SGCZ: variants seen among roughly 807,000 people sequenced by gnomAD.
SGCZ encodes the protein zeta-sarcoglycan.
Under a neutral mutation model 41.3 loss-of-function variants are expected in SGCZ, and 40 were observed. The ratio of observed to expected loss-of-function variants is 0.97; its 90% confidence interval spans 0.75 to 1.26. The LOEUF is 1.26. Ranked by LOEUF, SGCZ falls within the 50% of genes most tolerant of loss-of-function variation. The pLI is 0.00. For synonymous variants in SGCZ, 206 were observed against 137.5 expected, an observed-to-expected ratio of 1.50 and a Z score of -3.49; for missense variants, 552 against 369.8, an observed-to-expected ratio of 1.49 and a Z score of -4.04.
intron 1 of SGCZ, among the ~76,000 whole-genome samples, chr8:15,095,686 A>G (rs567861784): frequency 4.5e-4 from 69 of 152,314 alleles, no homozygotes; most frequent in Non-Finnish European, 8.1e-4. Context: ...AAGCCCATTG[A>G]CCTTTACCCC....
rs1458922410 is a variant in SGCZ, at chr8:14,088,190, G to A, written c.*2253C>T. Reference sequence around the variant, plus strand: ...TAGAACTTGAAATTAGAACATGTTGGAACAGAAAGGAACCCCAAGAGACTA... The same window carrying A: ...TAGAACTTGAAATTAGAACATGTTGAAACAGAAAGGAACCCCAAGAGACTA... On this transcript the variant is annotated 3_prime_UTR_variant, in exon 8 of 8. Transcript: ENST00000382080. 1.3e-5 allele frequency among the ~76,000 whole-genome samples: 2 copies of A among 151,506 alleles called. No individual in the cohort carries two copies. The highest frequency in any genetic ancestry group is 1.3e-4 in the Admixed American group (2 of 15,162).
chr8:14,742,524 T>C (rs546897057), intron 1 of SGCZ, among the ~76,000 whole-genome samples: 1 of 152,166 alleles, frequency 6.6e-6, no homozygotes, highest in East Asian at 1.9e-4. Context: ...CTTTACAATA[T>C]AGGAAATTCA....
At chr8:14,130,492 A>G (rs1250043962) in intron 5 of SGCZ, among the ~76,000 whole-genome samples, 1 of 152,206 alleles carries the variant, frequency 6.6e-6, no homozygotes, top group Non-Finnish European at 1.5e-5. Flanking sequence ...CACACAAAAA[A>G]ATGAATAAAA....
intron 2 of SGCZ, among the ~76,000 whole-genome samples, chr8:14,536,032 G>T (rs1374638567): frequency 1.3e-5 from 2 of 151,680 alleles, no homozygotes; most frequent in Non-Finnish European, 2.9e-5. Flanking sequence ...GCAGATACAA[G>T]TTTAAAATGA....
chr8:14,825,389 G>A lies in SGCZ; in HGVS notation c.40-270463C>T, dbSNP rs150140674. Among the ~76,000 whole-genome samples, 49 of 151,982 alleles carry A rather than the reference G, an allele frequency of 3.2e-4. 1 individual carries two copies. The East Asian group carries it at 7.0e-3, about 22-fold the overall frequency. On this transcript the variant is annotated intron_variant, in intron 1 of 7. Transcript: ENST00000382080. ...CATGTGCTTAGATTTATAGTAATAC[G>A]GAACTTACTGAAGAACTCAAAAAAT... is the stretch of plus-strand genomic sequence containing the variant.
At chr8:14,923,338 T>C (rs572717082) in intron 1 of SGCZ, among the ~76,000 whole-genome samples, 62 of 152,190 alleles carry the variant, frequency 4.1e-4, no homozygotes, top group Non-Finnish European at 7.9e-4. Context: ...GTATTTCTAC[T>C]AAAAATACAC....
intron 2 of SGCZ, among the ~76,000 whole-genome samples, chr8:14,392,103 T>C (rs1309985521): frequency 6.6e-6 from 1 of 152,158 alleles, no homozygotes; most frequent in Non-Finnish European, 1.5e-5. Context: ...CAGGTTTCTG[T>C]CTTTATTTAA....
chr8:14,298,180 G>A (rs949754051), intron 3 of SGCZ, among the ~76,000 whole-genome samples: 17 of 151,746 alleles, frequency 1.1e-4, no homozygotes, highest in South Asian at 4.1e-4. Context: ...AATACTTTCC[G>A]TTCACTAGTT....
At chr8:14,725,473 C>T (rs756825481) in intron 1 of SGCZ, among the ~76,000 whole-genome samples, 10 of 152,130 alleles carry the variant, frequency 6.6e-5, no homozygotes, top group Admixed American at 3.3e-4. Flanking sequence ...TTCTCTGCAT[C>T]CTCGGTAGCA....
At chr8:15,004,014 G>C (rs1455047964) in intron 1 of SGCZ, among the ~76,000 whole-genome samples, 3 of 152,226 alleles carry the variant, frequency 2.0e-5, no homozygotes, top group South Asian at 2.1e-4. Flanking sequence ...CCTGAGAAAA[G>C]TGAGGTCTGG....
chr8:14,681,454 T>A (rs1211397196), intron 1 of SGCZ, among the ~76,000 whole-genome samples: 2 of 152,198 alleles, frequency 1.3e-5, no homozygotes, highest in African/African-American at 4.8e-5. Context: ...CATGTATAGG[T>A]TAATTTCACC....
In SGCZ at chr8:14,089,360, C is replaced by T. The variant is rs1801617538; in HGVS notation, c.*1083G>A. Among the ~76,000 whole-genome samples, 1 of 151,934 alleles carries T rather than the reference C, an allele frequency of 6.6e-6. No individual in the cohort carries two copies. The highest frequency in any genetic ancestry group is 1.5e-5 in the Non-Finnish European group (1 of 67,920). On this transcript the variant is annotated 3_prime_UTR_variant, in exon 8 of 8. Transcript: ENST00000382080. ...TCAAGAAATTTTAGTTAGCTTCTGA[C>T]TTCTTTAAATCTTAACCTCCAATAA...
intron 2 of SGCZ, among the ~76,000 whole-genome samples, chr8:14,516,789 A>G (rs1409532518): frequency 6.6e-6 from 1 of 152,102 alleles, no homozygotes; most frequent in East Asian, 1.9e-4. Flanking sequence ...TGTGCCATCC[A>G]GAAGTACTGA....
At chr8:14,799,839 G>A (rs751738635) in intron 1 of SGCZ, among the ~76,000 whole-genome samples, 20 of 152,168 alleles carry the variant, frequency 1.3e-4, no homozygotes, top group African/African-American at 4.8e-4. Flanking sequence ...CCTAGCAAAT[G>A]TAGTCTTATA....
intron 2 of SGCZ, among the ~76,000 whole-genome samples, chr8:14,498,900 T>G (rs1802068591): frequency 6.6e-6 from 1 of 152,006 alleles, no homozygotes. Context: ...TTTCGATGTC[T>G]TAGTCATTTT....
At chr8:14,610,826 G>C (rs977026473) in intron 1 of SGCZ, among the ~76,000 whole-genome samples, 2 of 152,162 alleles carry the variant, frequency 1.3e-5, no homozygotes, top group African/African-American at 4.8e-5. Flanking sequence ...TTCATCTTCA[G>C]AATTGAATTG....
In SGCZ at chr8:14,708,812, AGT is replaced by A. The variant is rs61049816; in HGVS notation, c.40-153888_40-153887del. ...CACACTTGGAATGATGTTTTATTCG[AGT>A]GTGTGTGTGTGTGTGTGTGTGTGTG... On this transcript the variant is annotated intron_variant, in intron 1 of 7. Coordinates refer to ENST00000382080, the MANE Select transcript of SGCZ (RefSeq NM_139167.4). Among the ~76,000 whole-genome samples the A allele has an allele frequency of 1.8e-3, 261 of 148,676 alleles. 2 individuals carry two copies. In the Middle Eastern group the frequency reaches 0.024, roughly 14 times the overall value.
chr8:15,053,467 G>A (rs1001398908), intron 1 of SGCZ, among the ~76,000 whole-genome samples: 2 of 152,100 alleles, frequency 1.3e-5, no homozygotes, highest in Admixed American at 6.6e-5. Context: ...GAACTAACCT[G>A]CAATCCTGGT....
At chr8:15,105,343 T>C (rs1182625380) in intron 1 of SGCZ, among the ~76,000 whole-genome samples, 2 of 152,148 alleles carry the variant, frequency 1.3e-5, no homozygotes, top group Admixed American at 1.3e-4. Context: ...TGTAAAGAAC[T>C]ACATGAGACT....
Sources: gnomAD v4.1 joint callset for allele counts (sites outside exome capture counted in the v4.1 genomes callset) on GRCh38, gnomAD v4.1.1 for gene constraint, MANE v1.5 for transcripts, NCBI Gene and HGNC (gene_info 2026-07-23, HGNC 2026-07-21) for gene names.